VAV1: variants seen among roughly 807,000 people sequenced by gnomAD.
VAV1 encodes vav guanine nucleotide exchange factor 1, also known as proto-oncogene vav.
A neutral mutation model predicts 128.1 loss-of-function variants in VAV1; 33 were observed. The ratio of observed to expected loss-of-function variants is 0.26; its 90% CI spans 0.20 to 0.34. The LOEUF (loss-of-function observed/expected upper bound fraction) is 0.34, where lower values mean the gene tolerates loss of function less well. Among genes scored for constraint, VAV1 ranks in the 10% least tolerant of loss-of-function variants. VAV1 has a pLI of 1.00. For synonymous variants in VAV1, 394 were observed against 409.8 expected, an observed-to-expected ratio of 0.96 and a Z score of 0.47; for missense variants, 715 against 1,093.7, an observed-to-expected ratio of 0.65 and a Z score of 4.88.
intron 1 of VAV1, among the ~76,000 whole-genome samples, chr19:6,778,961 C>T (rs556728252): frequency 1.4e-4 from 21 of 148,210 alleles, no homozygotes; most frequent in African/African-American, 5.3e-4. Flanking sequence ...ACTGCAGCCT[C>T]GAACTCCTGT....
Position 6,857,283 on chromosome 19 carries a change from A to G in VAV1, c.*176A>G. On this transcript the variant is annotated 3_prime_UTR_variant, in exon 27 of 27. Coordinates refer to ENST00000602142, the MANE Select transcript of VAV1 (RefSeq NM_005428.4). ...ATGTGCCCTGACATGGTTAATTTAT[A>G]ACACCCCGATTTCCTCTTGGGTCCC... 1 of 762,070 alleles carries G rather than the reference A, an allele frequency of 1.3e-6. No individual in the cohort carries two copies. The highest frequency in any genetic ancestry group is 2.1e-6 in the Non-Finnish European group (1 of 486,250). 47.2% of individuals were successfully genotyped at this position (762,070 alleles called of 1,614,324 possible). A position where few individuals can be genotyped will look rare whatever the true frequency, so the allele number is the denominator to read the frequency against.
intron 9 of VAV1, among the ~76,000 whole-genome samples, chr19:6,827,316 G>A (rs1238705141): frequency 6.6e-6 from 1 of 152,064 alleles, no homozygotes; most frequent in African/African-American, 2.4e-5. Context: ...CCCCCAAGCT[G>A]GAGTGTAGTG....
chr19:6,828,838 C>T lies in VAV1; in HGVS notation c.1203C>T (p.Gly401=). The change falls in exon 13 of 27, where the codon GGC becomes GGT. Residue 401 remains glycine, a synonymous_variant. Transcript: ENST00000602142. This position sits in a 1 kb window ranked among gnomAD's most constrained non-coding sequence, Gnocchi z 4.5. ...AGGACCAGTCTCTGGCTCACTATGGCCGGCCCAAGATCGACGGGGAACTCA... is the reference window on the plus strand; with the variant it reads ...AGGACCAGTCTCTGGCTCACTATGGTCGGCCCAAGATCGACGGGGAACTCA... The part of the protein sequence containing the change: ...ENLDQSLAHY[G]RPKIDGELKI... 6.2e-7 allele frequency: 1 copy of T among 1,614,168 alleles called. No homozygotes were observed. The highest frequency in any genetic ancestry group is 1.1e-5 in the South Asian group (1 of 91,084).
rs1272664868 is a variant in VAV1 at position 6,773,028 on chromosome 19, C to G, written c.204+17C>G. ...ATGTCCCAGGTGAGCCCTCCGCGGG[C>G]AGGTGTGCTGAGGGTTGGAGACGGG... On this transcript the variant is annotated intron_variant, in intron 1 of 26. Coordinates refer to ENST00000602142, the MANE Select transcript of VAV1 (RefSeq NM_005428.4). 1 of 1,613,974 alleles carries G rather than the reference C, an allele frequency of 6.2e-7. No individual in the cohort carries two copies. The highest frequency in any genetic ancestry group is 8.5e-7 in the Non-Finnish European group (1 of 1,179,910).
rs531734406 is a variant in VAV1, at chr19:6,778,084, G to A, written c.204+5073G>A. ...CCTGAGTAGCTGGGGCTACAGATGC[G>A]TGCCACCATGCCTGGCTAATTTCTG... On this transcript the variant is annotated intron_variant, in intron 1 of 26. Transcript: ENST00000602142. Among the ~76,000 whole-genome samples the A allele has an allele frequency of 1.2e-3, 188 of 152,120 alleles. 1 individual carries two copies. The highest frequency in any genetic ancestry group is 4.2e-3 in the African/African-American group (176 of 41,484).
intron 1 of VAV1, among the ~76,000 whole-genome samples, chr19:6,773,582 C>T (rs557733859): frequency 6.6e-6 from 1 of 152,320 alleles, no homozygotes; most frequent in Non-Finnish European, 1.5e-5. Flanking sequence ...TGAGCTTCCT[C>T]CCTGCATCCA....
intron 14 of VAV1, among the ~76,000 whole-genome samples, chr19:6,830,939 A>C (rs961050148): frequency 1.3e-5 from 2 of 152,056 alleles, no homozygotes; most frequent in African/African-American, 2.4e-5. Context: ...ACATAAAAAA[A>C]AATTTAGCTG....
At chr19:6,852,700 G>A (rs576858674) in intron 24 of VAV1, among the ~76,000 whole-genome samples, 7 of 149,390 alleles carry the variant, frequency 4.7e-5, no homozygotes, top group South Asian at 2.1e-4. Context: ...CAGCCTGGGC[G>A]ACAGAGCCAG....
intron 21 of VAV1, among the ~76,000 whole-genome samples, chr19:6,837,812 C>G (rs913809233): frequency 2.0e-5 from 3 of 152,084 alleles, no homozygotes; most frequent in African/African-American, 7.2e-5. Flanking sequence ...CCCCTTTACC[C>G]CTAAATACTT....
In VAV1 at chr19:6,826,539, C is replaced by A; in HGVS notation, c.828-73C>A. On this transcript the variant is annotated intron_variant, in intron 8 of 26. Coordinates refer to ENST00000602142, the MANE Select transcript of VAV1 (RefSeq NM_005428.4). This position sits in a 1 kb window ranked among gnomAD's most constrained non-coding sequence, Gnocchi z 4.1. The stretch of plus-strand genomic sequence containing the variant: ...CTTCTCCAGCGGGGAAGAGCAAGGC[C>A]AGGGCTGACGCCAGCCTCTGCCCGA... 1 of 1,195,050 alleles carries A rather than the reference C, an allele frequency of 8.4e-7. No individual in the cohort carries two copies. The highest frequency in any genetic ancestry group is 1.2e-6 in the Non-Finnish European group (1 of 828,388). 74.0% of individuals were successfully genotyped at this position (1,195,050 alleles called of 1,614,324 possible).
chr19:6,849,658 C>A (rs764836003), intron 23 of VAV1, among the ~76,000 whole-genome samples: 1 of 152,040 alleles, frequency 6.6e-6, no homozygotes, highest in Non-Finnish European at 1.5e-5. Context: ...ATGTTTAACC[C>A]CTGCTTATAA....
chr19:6,793,576 T>C (rs1971065404), intron 1 of VAV1, among the ~76,000 whole-genome samples: 1 of 151,912 alleles, frequency 6.6e-6, no homozygotes, highest in African/African-American at 2.4e-5. Context: ...GACCCAGTGC[T>C]TATATAGTAC....
intron 22 of VAV1, among the ~76,000 whole-genome samples, chr19:6,845,876 AT>A (rs1972508189): frequency 6.8e-6 from 1 of 148,088 alleles, no homozygotes; most frequent in Non-Finnish European, 1.5e-5. Flanking sequence ...ATCATAGTAT[AT>A]TTATATTACA....
chr19:6,792,086 T>A (rs1293821659), intron 1 of VAV1, among the ~76,000 whole-genome samples: 1 of 152,128 alleles, frequency 6.6e-6, no homozygotes, highest in Non-Finnish European at 1.5e-5. Context: ...GTGTGGTGGC[T>A]CATGCCTGCA....
In VAV1 at chr19:6,857,205, A is replaced by G. The variant is rs1599689914; in HGVS notation, c.*98A>G. The G allele has an allele frequency of 1.3e-6, 2 of 1,546,758 alleles. No homozygotes were observed. The highest frequency in any genetic ancestry group is 1.8e-6 in the Non-Finnish European group (2 of 1,137,972). ...GGCTGTGACAGCTCCCGGCGGGTGGAGACTTTGGGATGGACTGGAGGAGGC... is the reference window on the plus strand; with the variant it reads ...GGCTGTGACAGCTCCCGGCGGGTGGGGACTTTGGGATGGACTGGAGGAGGC... On this transcript the variant is annotated 3_prime_UTR_variant, in exon 27 of 27. Transcript: ENST00000602142.
In VAV1 at chr19:6,826,975, C is replaced by A; in HGVS notation, c.927+264C>A. 1.9e-6 allele frequency: 1 copy of A among 515,072 alleles called. No individual in the cohort carries two copies. The highest frequency in any genetic ancestry group is 3.5e-6 in the Non-Finnish European group (1 of 281,924). 31.9% of individuals were successfully genotyped at this position (515,072 alleles called of 1,614,324 possible). A position where few individuals can be genotyped will look rare whatever the true frequency, so the allele number is the denominator to read the frequency against. The stretch of plus-strand genomic sequence containing the variant: ...TGAGCTCTGATCTCACACTCAACCC[C>A]AGCCCTGGGCTGAGCCCTAGCACTG... On this transcript the variant is annotated intron_variant, in intron 9 of 26. Coordinates refer to ENST00000602142, the MANE Select transcript of VAV1 (RefSeq NM_005428.4). This position sits in a 1 kb window ranked among gnomAD's most constrained non-coding sequence, Gnocchi z 4.1.
rs1013819632 is a variant in VAV1 at position 6,834,067 on chromosome 19, T to C, written c.1777+114T>C. ...AACAGCCACATTGGGCCGGGTGCAATAGCTCACACCTGTAATCCCAACAAT... is the reference window on the plus strand; with the variant it reads ...AACAGCCACATTGGGCCGGGTGCAACAGCTCACACCTGTAATCCCAACAAT... On this transcript the variant is annotated intron_variant, in intron 19 of 26. Transcript: ENST00000602142. 32 of 1,452,536 alleles carry C rather than the reference T, an allele frequency of 2.2e-5. No individual in the cohort carries two copies. The Admixed American group carries it at 4.3e-4, about 19-fold the overall frequency. The allele number at this position is 1,452,536 out of a possible 1,614,324, so 90.0% of individuals were successfully genotyped here. A position where few individuals can be genotyped will look rare whatever the true frequency, so the allele number is the denominator to read the frequency against.
At chr19:6,848,489 A>C (rs1599681196) in intron 23 of VAV1, among the ~76,000 whole-genome samples, 1 of 149,848 alleles carries the variant, frequency 6.7e-6, no homozygotes, top group Admixed American at 6.7e-5. Context: ...GCTCACTGCA[A>C]CCTCCCAGGT....
Position 6,821,664 on chromosome 19 carries a change from C to T in VAV1, c.364C>T (p.Gln122Ter). 6.2e-7 allele frequency: 1 copy of T among 1,614,164 alleles called. No individual in the cohort carries two copies. Among genetic ancestry groups the T allele is most frequent in the Non-Finnish European group, 8.5e-7 (1 of 1,180,020 alleles). Residue 122 changes from glutamine (Q) to a stop codon, truncating the protein, a stop_gained, in exon 3 of 27, where the codon CAG becomes TAG. Coordinates refer to ENST00000602142, the MANE Select transcript of VAV1 (RefSeq NM_005428.4). LOFTEE classifies it high-confidence loss of function. ...LSALSWTPIA[Q>*]NRGIMPFPTE... ...TGCTCTGTCCTGGACCCCGATCGCC[C>T]AGAACAGGGGGATCATGTGAGTAAC... is the stretch of plus-strand genomic sequence containing the variant.
Sources: gnomAD v4.1 joint callset for allele counts (sites outside exome capture counted in the v4.1 genomes callset) on GRCh38, gnomAD v4.1.1 for gene constraint, Gnocchi (gnomAD v3.1) non-coding constraint, MANE v1.5 for transcripts, NCBI Gene and HGNC (gene_info 2026-07-23, HGNC 2026-07-21) for gene names.